Variants in ZNF704 observed in about 807,000 individuals in gnomAD.
The protein encoded by ZNF704 is glucocorticoid induced gene 1.
ZNF704 carries 10 observed loss-of-function variants against 44.7 expected under a neutral mutation model. The observed-to-expected ratio is 0.22, with a 90% CI of 0.14 to 0.38. The LOEUF (loss-of-function observed/expected upper bound fraction) is 0.38, where lower values mean the gene tolerates loss of function less well. Among genes scored for constraint, ZNF704 ranks in the 10% least tolerant of loss-of-function variants. The pLI, the probability that ZNF704 is intolerant of heterozygous loss-of-function variation, is 1.00. For missense variants in ZNF704, 390 were observed against 545.5 expected (o/e 0.71, Z 2.84); for synonymous variants, 211 against 207.6 (o/e 1.02, Z -0.14).
At chr8:80,832,052 C>T (rs1490766234) in intron 1 of ZNF704, among the ~76,000 whole-genome samples, 1 of 152,172 alleles carries the variant, frequency 6.6e-6, no homozygotes, top group Non-Finnish European at 1.5e-5. Flanking sequence ...TAATTTCTTG[C>T]AAGGGAACAA....
At chr8:80,718,899 C>T (rs1442675245) in intron 2 of ZNF704, among the ~76,000 whole-genome samples, 2 of 152,152 alleles carry the variant, frequency 1.3e-5, no homozygotes, top group African/African-American at 2.4e-5. Context: ...GGCAATAACC[C>T]GTTGTCCTCA....
In ZNF704 at chr8:80,640,098, G is replaced by C. The variant is rs1359332816; in HGVS notation, c.*1268C>G. 1 of 152,578 alleles carries C rather than the reference G, an allele frequency of 6.6e-6. No homozygotes were observed. Among genetic ancestry groups the C allele is most frequent in the Non-Finnish European group, 1.5e-5 (1 of 68,036 alleles). The allele number at this position is 152,578 out of a possible 1,614,324, so 9.5% of individuals were successfully genotyped here. ...AACTGAGAAATTCCTATACCTACATGCATTTTCCTTTTGGCGTTATGTTCC... is the reference window on the plus strand; with the variant it reads ...AACTGAGAAATTCCTATACCTACATCCATTTTCCTTTTGGCGTTATGTTCC... On this transcript the variant is annotated 3_prime_UTR_variant, in exon 9 of 9. Transcript: ENST00000327835.
At chr8:80,753,448 C>CAA (rs931860759) in intron 2 of ZNF704, among the ~76,000 whole-genome samples, 5 of 130,390 alleles carry the variant, frequency 3.8e-5, no homozygotes, top group African/African-American at 8.5e-5. Flanking sequence ...GCCACTTGGA[C>CAA]AAAAAAAAAA....
At chr8:80,866,877 T>C (rs546866180) in intron 1 of ZNF704, among the ~76,000 whole-genome samples, 41 of 152,084 alleles carry the variant, frequency 2.7e-4, no homozygotes, top group Non-Finnish European at 4.4e-4. Flanking sequence ...TCCAAGTAGC[T>C]AGGATTACAG....
chr8:80,867,669 T>C (rs1809179114), intron 1 of ZNF704, among the ~76,000 whole-genome samples: 1 of 152,132 alleles, frequency 6.6e-6, no homozygotes, highest in South Asian at 2.1e-4. Flanking sequence ...ACACAGACCA[T>C]TTGCAAGACA....
chr8:80,835,646 A>T (rs1469188342), intron 1 of ZNF704, among the ~76,000 whole-genome samples: 1 of 152,234 alleles, frequency 6.6e-6, no homozygotes, highest in Non-Finnish European at 1.5e-5. Flanking sequence ...CTATATGCTA[A>T]GGAACAAAAG....
chr8:80,877,825 T>C (rs1053980269), upstream of ZNF704, among the ~76,000 whole-genome samples: 2 of 152,266 alleles, frequency 1.3e-5, no homozygotes, highest in East Asian at 3.9e-4. Flanking sequence ...CAATATGATT[T>C]TGTGGAGGCA....
chr8:80,707,569 C>T (rs749210938), intron 2 of ZNF704, among the ~76,000 whole-genome samples: 1 of 152,142 alleles, frequency 6.6e-6, no homozygotes, highest in Non-Finnish European at 1.5e-5. Flanking sequence ...TTAGGTTGAA[C>T]CATATGAAAT....
chr8:80,799,387 G>A (rs978058861), intron 2 of ZNF704, among the ~76,000 whole-genome samples: 2 of 152,076 alleles, frequency 1.3e-5, no homozygotes, highest in Non-Finnish European at 2.9e-5. Context: ...TATTTCCCTT[G>A]AGTCTAGCCA....
In ZNF704 at chr8:80,702,036, G is replaced by T. The variant is rs1034415112; in HGVS notation, c.222-8929C>A. 5.9e-5 allele frequency among the ~76,000 whole-genome samples: 9 copies of T among 152,196 alleles called. No individual in the cohort carries two copies. In the South Asian group the frequency reaches 8.3e-4, roughly 14 times the overall value. On this transcript the variant is annotated intron_variant, in intron 2 of 8. Coordinates refer to ENST00000327835, the MANE Select transcript of ZNF704 (RefSeq NM_001033723.3). ...AATGCTGACAGGAAGGAGCTAGTAG[G>T]GATGAATAGGTTGAAGATACAGGAG...
At chr8:80,703,192 A>AT (rs1258156219) in intron 2 of ZNF704, among the ~76,000 whole-genome samples, 1 of 152,044 alleles carries the variant, frequency 6.6e-6, no homozygotes, top group Non-Finnish European at 1.5e-5. Flanking sequence ...AAAATTCTCC[A>AT]TAAGAAGACT....
chr8:80,857,079 CCT>C (rs920745469), intron 1 of ZNF704, among the ~76,000 whole-genome samples: 10 of 151,806 alleles, frequency 6.6e-5, no homozygotes, highest in African/African-American at 2.2e-4. Context: ...TAATTTTATC[CCT>C]GTTTAGTTTT....
At chr8:80,843,382 T>G (rs1456629203) in intron 1 of ZNF704, among the ~76,000 whole-genome samples, 1 of 152,234 alleles carries the variant, frequency 6.6e-6, no homozygotes, top group Non-Finnish European at 1.5e-5. Flanking sequence ...TATTACTATG[T>G]GTTTATGAAT....
chr8:80,806,953 A>C (rs143561466), intron 2 of ZNF704, among the ~76,000 whole-genome samples: 1 of 152,320 alleles, frequency 6.6e-6, no homozygotes, highest in East Asian at 1.9e-4. Flanking sequence ...TTTCCCACAC[A>C]CTGCTGGAAT....
At chr8:80,823,484 A>C (rs182105970) in intron 1 of ZNF704, among the ~76,000 whole-genome samples, 3 of 152,096 alleles carry the variant, frequency 2.0e-5, no homozygotes, top group Non-Finnish European at 2.9e-5. Context: ...TGTAGACTCC[A>C]CCTCTGGGGG....
intron 8 of ZNF704, 24 bp downstream of exon 8, chr8:80,643,011 G>C: frequency 6.6e-7 from 1 of 1,510,518 alleles, no homozygotes; most frequent in Non-Finnish European, 9.0e-7. Flanking sequence ...GGTGAGGTGT[G>C]TGGAGTTTTT....
At chr8:80,650,775 A>G (rs1234869090) in intron 7 of ZNF704, among the ~76,000 whole-genome samples, 4 of 152,256 alleles carry the variant, frequency 2.6e-5, no homozygotes, top group Non-Finnish European at 4.4e-5. Flanking sequence ...TCCCCAATCT[A>G]GCAAGGCAGG....
At chr8:80,851,406 G>A (rs959913619) in intron 1 of ZNF704, among the ~76,000 whole-genome samples, 1 of 152,142 alleles carries the variant, frequency 6.6e-6, no homozygotes, top group Non-Finnish European at 1.5e-5. Context: ...AAAATGATGA[G>A]TTCATGTCCT....
chr8:80,870,499 ATC>A (rs760104815), intron 1 of ZNF704, among the ~76,000 whole-genome samples: 6 of 152,048 alleles, frequency 3.9e-5, no homozygotes, highest in Non-Finnish European at 7.4e-5. Context: ...CCAAATGAAC[ATC>A]TCTCTCTCTC....
Sources: gnomAD v4.1 joint callset for allele counts (sites outside exome capture counted in the v4.1 genomes callset) on GRCh38, gnomAD v4.1.1 for gene constraint, MANE v1.5 for transcripts, NCBI Gene and HGNC (gene_info 2026-07-23, HGNC 2026-07-21) for gene names.